Variants in PCSK5 observed in about 807,000 individuals in gnomAD.
PCSK5 encodes proprotein convertase subtilisin/kexin type 5.
A neutral mutation model predicts 233.2 loss-of-function variants in PCSK5; 129 were observed. The ratio of observed to expected loss-of-function variants is 0.55; its 90% CI spans 0.48 to 0.64. The LOEUF (loss-of-function observed/expected upper bound fraction) is 0.64, where lower values mean the gene tolerates loss of function less well. PCSK5 is among the 30% of genes least tolerant of loss of function. The pLI, the probability that PCSK5 is intolerant of heterozygous loss-of-function variation, is 0.00. For synonymous variants in PCSK5, 825 were observed against 879.2 expected (o/e 0.94, Z 1.09); for missense variants, 2,076 against 2,430.1 (o/e 0.85, Z 3.06).
chr9:75,891,075 C>T lies in PCSK5; in HGVS notation c.-107C>T, dbSNP rs574080164. 2.8e-6 allele frequency: 3 copies of T among 1,058,036 alleles called. No homozygotes were observed. The East Asian group carries it at 9.8e-5, about 35-fold the overall frequency. The allele number at this position is 1,058,036 out of a possible 1,614,324, so 65.5% of individuals were successfully genotyped here. A position where few individuals can be genotyped will look rare whatever the true frequency, so the allele number is the denominator to read the frequency against. ...GATCGCCCGGGGCTGCGAGCTGCGG[C>T]GGCCCGGGGCTGCTCGCCGGGCGGC... On this transcript the variant is annotated 5_prime_UTR_variant, in exon 1 of 38. Transcript: ENST00000674117.
intron 1 of PCSK5, among the ~76,000 whole-genome samples, chr9:75,917,740 A>G (rs1205384980): frequency 2.0e-5 from 3 of 152,224 alleles, no homozygotes; most frequent in Admixed American, 2.0e-4. Context: ...CTTGTGTTTG[A>G]TGAACTCCTG....
chr9:76,098,843 C>T (rs540929696), intron 8 of PCSK5, among the ~76,000 whole-genome samples: 1 of 152,254 alleles, frequency 6.6e-6, no homozygotes, highest in East Asian at 1.9e-4. Flanking sequence ...TAAACTTAAC[C>T]TTCCTGGGGC....
intron 20 of PCSK5, among the ~76,000 whole-genome samples, chr9:76,223,854 C>T (rs1587776495): frequency 1.3e-5 from 2 of 152,120 alleles, no homozygotes; most frequent in Admixed American, 6.5e-5. Context: ...TTTGCTGCTC[C>T]AAAAACAACA....
intron 1 of PCSK5, among the ~76,000 whole-genome samples, chr9:75,908,913 A>ATCTATCTATCTATCTG (rs1822552430): frequency 1.6e-5 from 2 of 121,750 alleles, no homozygotes; most frequent in Admixed American, 9.2e-5. Context: ...CTATCTATCT[A>ATCTATCTATCTATCTG]TCTATCTATC....
intron 20 of PCSK5, among the ~76,000 whole-genome samples, chr9:76,217,004 C>A (rs1011024751): frequency 1.3e-5 from 2 of 152,074 alleles, no homozygotes; most frequent in South Asian, 4.1e-4. Context: ...CCACTCCTGG[C>A]TAATTTTTTG....
chr9:76,092,100 CT>C (rs1273774232), intron 7 of PCSK5, among the ~76,000 whole-genome samples: 1 of 152,116 alleles, frequency 6.6e-6, no homozygotes, highest in Non-Finnish European at 1.5e-5. Flanking sequence ...GGAGTCCCCC[CT>C]CAGGATGGGA....
chr9:76,145,365 C>CA (rs1238880836), intron 10 of PCSK5, among the ~76,000 whole-genome samples: 3 of 152,024 alleles, frequency 2.0e-5, no homozygotes, highest in African/African-American at 7.2e-5. Flanking sequence ...GGGTGGAGTG[C>CA]TTGTAAACAT....
chr9:76,320,915 A>G (rs1270813973), intron 30 of PCSK5, among the ~76,000 whole-genome samples: 3 of 151,774 alleles, frequency 2.0e-5, no homozygotes, highest in Admixed American at 2.0e-4. Context: ...CCCGAGTTCA[A>G]GTGATTCTCC....
chr9:76,166,768 A>C (rs189120474), intron 12 of PCSK5, among the ~76,000 whole-genome samples: 16 of 152,302 alleles, frequency 1.1e-4, no homozygotes, highest in Admixed American at 7.8e-4. Flanking sequence ...TGTGGGACTT[A>C]AGGAAGGAAG....
chr9:76,224,277 G>A (rs1241387181), intron 20 of PCSK5, among the ~76,000 whole-genome samples: 2 of 152,186 alleles, frequency 1.3e-5, no homozygotes, highest in East Asian at 3.9e-4. Context: ...CAGAGGAACT[G>A]GTGGAGAAAT....
intron 24 of PCSK5, among the ~76,000 whole-genome samples, chr9:76,258,493 T>C (rs1238141665): frequency 6.6e-6 from 1 of 152,170 alleles, no homozygotes; most frequent in African/African-American, 2.4e-5. Flanking sequence ...ATTTATTGTG[T>C]TCAGCAGAAA....
At chr9:76,346,942 G>A (rs1171116733) in intron 35 of PCSK5, among the ~76,000 whole-genome samples, 1 of 152,084 alleles carries the variant, frequency 6.6e-6, no homozygotes, top group African/African-American at 2.4e-5. Flanking sequence ...AAGGAGGGGT[G>A]GAGCAGGAAA....
chr9:76,170,685 A>G (rs113472013), intron 13 of PCSK5, among the ~76,000 whole-genome samples: 3,854 of 152,298 alleles, frequency 0.025, 163 homozygotes, highest in African/African-American at 0.085. Context: ...GCTTGGGGGA[A>G]GTTTTAGGAC....
At position 76,096,019 on chromosome 9, in the gene PCSK5, G is replaced by A. The variant is rs762524093; in HGVS notation, c.1024G>A (p.Gly342Arg). 1.1e-5 allele frequency: 17 copies of A among 1,614,008 alleles called. No individual in the cohort carries two copies. Among genetic ancestry groups the A allele is most frequent in the Non-Finnish European group, 1.4e-5 (16 of 1,180,030 alleles). The change falls in exon 8 of 38, where the codon GGA becomes AGA. Residue 342 changes from glycine to arginine, a missense_variant. Gly to Arg is a moderately radical substitution (Grantham distance 125). Coordinates refer to ENST00000674117, the MANE Select transcript of PCSK5 (RefSeq NM_001372043.1). ...TISISSTAESGKKPWYLEECS... is the reference protein window; with the variant it reads ...TISISSTAESRKKPWYLEECS... ...CTCCATCAGCAGCACTGCAGAAAGCGGAAAGAAACCTTGGTACCTGGAAGA... is the reference window on the plus strand; with the variant it reads ...CTCCATCAGCAGCACTGCAGAAAGCAGAAAGAAACCTTGGTACCTGGAAGA...
At chr9:76,241,352 G>A (rs1248171016) in intron 24 of PCSK5, among the ~76,000 whole-genome samples, 1 of 152,222 alleles carries the variant, frequency 6.6e-6, no homozygotes, top group Admixed American at 6.5e-5. Context: ...TGAGGCAGGA[G>A]AATTGCTTGA....
chr9:76,339,857 T>C (rs1829781487), intron 35 of PCSK5, among the ~76,000 whole-genome samples: 1 of 152,188 alleles, frequency 6.6e-6, no homozygotes, highest in Non-Finnish European at 1.5e-5. Flanking sequence ...AATGTTTTTA[T>C]ATTTAAAAGG....
At position 75,927,316 on chromosome 9, in the gene PCSK5, A is replaced by G. The variant is rs141200317; in HGVS notation, c.193-5063A>G. 3.4e-4 allele frequency among the ~76,000 whole-genome samples: 51 copies of G among 152,222 alleles called. No individual in the cohort carries two copies. The East Asian group carries it at 9.8e-3, about 29-fold the overall frequency. ...GGAGGCAAATAACTTTTCAAAAAGG[A>G]GGTACAGAATTTGGAGGAATCTATA... On this transcript the variant is annotated intron_variant, in intron 1 of 37. Coordinates refer to ENST00000674117, the MANE Select transcript of PCSK5 (RefSeq NM_001372043.1).
intron 3 of PCSK5, among the ~76,000 whole-genome samples, chr9:76,016,955 C>T (rs997671436): frequency 1.3e-5 from 2 of 151,456 alleles, no homozygotes; most frequent in African/African-American, 4.9e-5. Flanking sequence ...CCAACCTCCA[C>T]TATTTTCTGA....
chr9:76,257,322 C>A (rs1827016077), intron 24 of PCSK5, among the ~76,000 whole-genome samples: 1 of 152,148 alleles, frequency 6.6e-6, no homozygotes, highest in Non-Finnish European at 1.5e-5. Flanking sequence ...TGATTTAAGT[C>A]ACAGAGCAGA....
Sources: gnomAD v4.1 joint callset for allele counts (sites outside exome capture counted in the v4.1 genomes callset) on GRCh38, gnomAD v4.1.1 for gene constraint, MANE v1.5 for transcripts, NCBI Gene and HGNC (gene_info 2026-07-23, HGNC 2026-07-21) for gene names.